Variants in PCDHGA8 observed in about 807,000 individuals in gnomAD.
PCDHGA8 encodes protocadherin gamma subfamily A, 8, also known as protocadherin gamma-A8.
A neutral mutation model predicts 59.2 loss-of-function variants in PCDHGA8; 45 were observed. The ratio of observed to expected loss-of-function variants is 0.76; its 90% confidence interval spans 0.60 to 0.98. PCDHGA8 has a LOEUF of 0.98. Among genes scored for constraint, PCDHGA8 ranks in the 50% least tolerant of loss-of-function variants. The probability of loss-of-function intolerance (pLI) is 0.00; values close to 1 mark genes in which losing one functional copy is unlikely to be tolerated. For missense variants in PCDHGA8, 1,257 were observed against 1,196.2 expected (o/e 1.05, Z -0.75); for synonymous variants, 531 against 519.0 (o/e 1.02, Z -0.32).
At chr5:141,433,097 G>A (rs777101945) in intron 1 of PCDHGA8, 11 of 1,614,044 alleles carry the variant, frequency 6.8e-6, no homozygotes, top group Admixed American at 3.3e-5. Flanking sequence ...AGACATGCTC[G>A]TCAGCCAGGA....
intron 1 of PCDHGA8, chr5:141,411,948 G>A (rs2095525022): frequency 1.3e-5 from 2 of 152,152 alleles, no homozygotes. Flanking sequence ...GAAGATTTTT[G>A]AAGAAAAAAG....
intron 1 of PCDHGA8, among the ~76,000 whole-genome samples, chr5:141,444,503 T>C (rs2098438734): frequency 6.6e-6 from 1 of 152,088 alleles, no homozygotes; most frequent in Non-Finnish European, 1.5e-5. Flanking sequence ...AATACTTTGC[T>C]CTAGCAGTAT....
intron 1 of PCDHGA8, chr5:141,419,893 TCCC>T (rs571839457): frequency 5.0e-5 from 81 of 1,613,960 alleles, no homozygotes; most frequent in Non-Finnish European, 6.5e-5. Context: ...TCAGCGACCA[TCCC>T]ACACCCTCTG....
intron 1 of PCDHGA8, among the ~76,000 whole-genome samples, chr5:141,475,215 T>C (rs768665396): frequency 2.6e-5 from 4 of 152,176 alleles, no homozygotes; most frequent in Non-Finnish European, 5.9e-5. Flanking sequence ...AAAGGATTGA[T>C]CAAGTAAAGG....
At position 141,436,288 on chromosome 5, in the gene PCDHGA8, C is replaced by T. The variant is rs533281663; in HGVS notation, c.2424+41051C>T. On this transcript the variant is annotated intron_variant, in intron 1 of 3. Coordinates refer to ENST00000398604, the MANE Select transcript of PCDHGA8 (RefSeq NM_032088.2). ...CACCTAACTTGATTTAGGAACAAATCATTGAGAGTTAGAGCATGAATAGTC... is the reference window on the plus strand; with the variant it reads ...CACCTAACTTGATTTAGGAACAAATTATTGAGAGTTAGAGCATGAATAGTC... 3.9e-3 allele frequency among the ~76,000 whole-genome samples: 590 copies of T among 152,274 alleles called. 9 individuals are homozygous for T. Among genetic ancestry groups the T allele is most frequent in the Middle Eastern group, 0.01 (3 of 294 alleles).
At chr5:141,484,863 G>T (rs561595169) in intron 1 of PCDHGA8, 136 of 273,782 alleles carry the variant, frequency 5.0e-4, no homozygotes, top group African/African-American at 2.8e-3. Context: ...GGGGGTGGGG[G>T]AGCGTGGAGG....
chr5:141,470,652 C>T (rs923672818), intron 1 of PCDHGA8, among the ~76,000 whole-genome samples: 1 of 152,100 alleles, frequency 6.6e-6, no homozygotes, highest in African/African-American at 2.4e-5. Context: ...AAGGCCCCTA[C>T]CCTTTGGTTA....
In PCDHGA8 at chr5:141,487,574, C is replaced by T. The variant is rs753979217; in HGVS notation, c.2425-7233C>T. ...TGCACCTATGGCAGGGGAGCCTGTTCGCCCAAGCTGCCCACCCTCTGATCT... is the reference window on the plus strand; with the variant it reads ...TGCACCTATGGCAGGGGAGCCTGTTTGCCCAAGCTGCCCACCCTCTGATCT... On this transcript the variant is annotated intron_variant, in intron 1 of 3. Transcript: ENST00000398604. This position sits in a 1 kb window ranked among gnomAD's most constrained non-coding sequence, Gnocchi z 5.0. 1.2e-5 allele frequency: 20 copies of T among 1,614,040 alleles called. 1 individual carries two copies. The highest frequency in any genetic ancestry group is 8.9e-5 in the East Asian group (4 of 44,870).
At chr5:141,403,116 A>G (rs1313523426) in intron 1 of PCDHGA8, 6 of 1,614,042 alleles carry the variant, frequency 3.7e-6, no homozygotes, top group Non-Finnish European at 5.1e-6. Flanking sequence ...CTGGCTCTGG[A>G]GCCCCGGGAG....
chr5:141,456,087 C>T (rs1218579202), intron 1 of PCDHGA8, among the ~76,000 whole-genome samples: 1 of 151,886 alleles, frequency 6.6e-6, no homozygotes, highest in Non-Finnish European at 1.5e-5. Context: ...TCAGTAGAGA[C>T]GGGATTTCAC....
chr5:141,413,288 C>T (rs2095623576), intron 1 of PCDHGA8: 2 of 1,613,950 alleles, frequency 1.2e-6, no homozygotes, highest in East Asian at 4.5e-5. Flanking sequence ...ATCTCCTACT[C>T]AATTCCTGAG....
rs776632782 is a variant in PCDHGA8, at chr5:141,415,681, A to G, written c.2424+20444A>G. 6.3e-5 allele frequency: 95 copies of G among 1,518,728 alleles called. 2 individuals are homozygous for G. In the Middle Eastern group the frequency reaches 2.1e-3, roughly 34 times the overall value. 94.1% of individuals were successfully genotyped at this position (1,518,728 alleles called of 1,614,324 possible). A position where few individuals can be genotyped will look rare whatever the true frequency, so the allele number is the denominator to read the frequency against. Reference sequence around the variant, plus strand: ...TGGTTTTTACTTTGAAGTTTGCGGCATGATGGTGGAAAGTGTAAATGCTAA... The same window carrying G: ...TGGTTTTTACTTTGAAGTTTGCGGCGTGATGGTGGAAAGTGTAAATGCTAA... On this transcript the variant is annotated intron_variant, in intron 1 of 3. Transcript: ENST00000398604.
rs1333951046 is a variant in PCDHGA8, at chr5:141,485,847, C to T, written c.2425-8960C>T. 10 of 1,614,092 alleles carry T rather than the reference C, an allele frequency of 6.2e-6. No individual in the cohort carries two copies. In the African/African-American group the frequency reaches 8.0e-5, roughly 13 times the overall value. On this transcript the variant is annotated intron_variant, in intron 1 of 3. Transcript: ENST00000398604. This position sits in a 1 kb window ranked among gnomAD's most constrained non-coding sequence, Gnocchi z 5.7. ...GGAGGGAACCCGCCGAGATCTGGCA[C>T]CGCAGAGCTCCGGGTATCCGTGCTG...
At position 141,485,305 on chromosome 5, in the gene PCDHGA8, T is replaced by C. The variant is rs1344645695; in HGVS notation, c.2425-9502T>C. The C allele has an allele frequency of 3.7e-6, 6 of 1,614,000 alleles. No individual in the cohort carries two copies. In the East Asian group the frequency reaches 1.3e-4, roughly 36 times the overall value. Reference sequence around the variant, plus strand: ...CAGAGGAGTCACAGGAAGGGACTTTTGTAGGGAATGTCGCTCAAGATTTCC... The same window carrying C: ...CAGAGGAGTCACAGGAAGGGACTTTCGTAGGGAATGTCGCTCAAGATTTCC... On this transcript the variant is annotated intron_variant, in intron 1 of 3. Coordinates refer to ENST00000398604, the MANE Select transcript of PCDHGA8 (RefSeq NM_032088.2). This position sits in a 1 kb window ranked among gnomAD's most constrained non-coding sequence, Gnocchi z 5.7.
intron 1 of PCDHGA8, chr5:141,398,001 A>T: frequency 5.0e-6 from 7 of 1,388,802 alleles, no homozygotes; most frequent in African/African-American, 4.4e-5. Flanking sequence ...CCTCCTCGGA[A>T]AAAGAATCGT....
rs1285420674 is a variant in PCDHGA8 at position 141,409,726 on chromosome 5, C to G, written c.2424+14489C>G. The G allele has an allele frequency of 1.9e-6, 3 of 1,612,982 alleles. No homozygotes were observed. The Admixed American group carries it at 5.0e-5, about 27-fold the overall frequency. On this transcript the variant is annotated intron_variant, in intron 1 of 3. Transcript: ENST00000398604. ...CGGTGTCGTCATACGTGTCAGTGAG[C>G]GCGCAGAGCGGGGTGGTGTTCGCGC...
intron 1 of PCDHGA8, among the ~76,000 whole-genome samples, chr5:141,438,678 G>C (rs2098050264): frequency 7.1e-6 from 1 of 140,560 alleles, no homozygotes; most frequent in African/African-American, 2.6e-5. Context: ...ATTTGGAGTA[G>C]GGGATGGAGT....
chr5:141,398,286 C>T (rs1338652897), intron 1 of PCDHGA8: 1 of 1,395,846 alleles, frequency 7.2e-7, no homozygotes, highest in South Asian at 1.3e-5. Context: ...TCGCCACGGA[C>T]CTGGGGTTCA....
At position 141,433,052 on chromosome 5, in the gene PCDHGA8, A is replaced by G. The variant is rs757503771; in HGVS notation, c.2424+37815A>G. The G allele has an allele frequency of 3.1e-6, 5 of 1,614,178 alleles. No individual in the cohort carries two copies. In the Admixed American group the frequency reaches 8.3e-5, roughly 27 times the overall value. ...GGTTTCCCTCACCACGGACTCGCGG[A>G]AGAGTCACCTGATCTTCCCCCAGCC... On this transcript the variant is annotated intron_variant, in intron 1 of 3. Transcript: ENST00000398604.
Sources: allele counts gnomAD v4.1 joint callset (sites outside exome capture counted in the v4.1 genomes callset), GRCh38; gene constraint gnomAD v4.1.1; non-coding constraint Gnocchi (gnomAD v3.1); transcripts MANE v1.5; gene names NCBI Gene and HGNC (gene_info 2026-07-23, HGNC 2026-07-21).